TAS1R2: variants seen among roughly 807,000 people sequenced by gnomAD.
The protein encoded by TAS1R2 is taste 1 receptor member 2.
TAS1R2 carries 47 observed loss-of-function variants against 49.3 expected under a neutral mutation model. That is an observed-to-expected ratio of 0.95 (90% confidence interval 0.75 to 1.22). The LOEUF (loss-of-function observed/expected upper bound fraction) is 1.22. Among genes scored for constraint, TAS1R2 ranks in the 50% most tolerant of loss-of-function variants. The pLI is 0.00. For missense variants in TAS1R2, 1,155 were observed against 1,122.1 expected, an observed-to-expected ratio of 1.03 and a Z score of -0.42; for synonymous variants, 479 against 467.9, an observed-to-expected ratio of 1.02 and a Z score of -0.31.
intron 4 of TAS1R2, among the ~76,000 whole-genome samples, chr1:18,843,881 A>G (rs1028537117): frequency 1.4e-4 from 22 of 152,348 alleles, no homozygotes; most frequent in African/African-American, 5.3e-4. Flanking sequence ...TATAAGGGAA[A>G]TGGTATCCAA....
chr1:18,850,702 C>T (rs1390727595), intron 3 of TAS1R2, among the ~76,000 whole-genome samples: 1 of 152,254 alleles, frequency 6.6e-6, no homozygotes, highest in African/African-American at 2.4e-5. Flanking sequence ...AAAGCACTGG[C>T]CTTGTAATTG....
chr1:18,855,100 G>A, intron 2 of TAS1R2, 114 bp from the exon 3 acceptor site: 2 of 1,350,038 alleles, frequency 1.5e-6, no homozygotes, highest in South Asian at 1.4e-5. Context: ...GCCACCCCAG[G>A]GGTAGGTGGT....
intron 4 of TAS1R2, among the ~76,000 whole-genome samples, chr1:18,847,274 C>T (rs1460547596): frequency 6.6e-6 from 1 of 152,170 alleles, no homozygotes; most frequent in African/African-American, 2.4e-5. Context: ...ACAGATTCTA[C>T]CTCACAGCTC....
intron 1 of TAS1R2, among the ~76,000 whole-genome samples, chr1:18,858,052 C>T (rs1217815900): frequency 6.6e-6 from 1 of 151,876 alleles, no homozygotes; most frequent in African/African-American, 2.4e-5. Context: ...ACCATCATCA[C>T]CGTCACCACC....
chr1:18,840,728 C>A (rs544909664), intron 5 of TAS1R2, among the ~76,000 whole-genome samples: 6 of 152,220 alleles, frequency 3.9e-5, no homozygotes, highest in Non-Finnish European at 8.8e-5. Context: ...GATGAGGAAA[C>A]CAAGGCTCAG....
intron 4 of TAS1R2, among the ~76,000 whole-genome samples, chr1:18,846,696 T>G (rs566945467): frequency 6.6e-6 from 1 of 152,104 alleles, no homozygotes; most frequent in East Asian, 1.9e-4. Flanking sequence ...CTCATATGAG[T>G]GATGTTCTCA....
rs756183982 is a variant in TAS1R2 at position 18,859,455 on chromosome 1, T to C, written c.182+24A>G. 23 of 1,613,096 alleles carry C rather than the reference T, an allele frequency of 1.4e-5. No individual in the cohort carries two copies. The East Asian group carries it at 2.9e-4, about 20-fold the overall frequency. On this transcript the variant is annotated intron_variant, in intron 1 of 5. Transcript: ENST00000375371. Reference sequence around the variant, plus strand: ...CTCCCACCCCATCCCCACTGCCACTTCCAGCCCCACACTGGAGACTCACTC... The same window carrying C: ...CTCCCACCCCATCCCCACTGCCACTCCCAGCCCCACACTGGAGACTCACTC...
intron 4 of TAS1R2, among the ~76,000 whole-genome samples, chr1:18,848,267 C>T (rs989042456): frequency 2.0e-5 from 3 of 152,094 alleles, no homozygotes; most frequent in Non-Finnish European, 4.4e-5. Flanking sequence ...AGTTTCCTAA[C>T]CTATAAAATG....
chr1:18,856,726 G>A lies in TAS1R2; in HGVS notation c.483+605C>T, dbSNP rs1001371387. Among the ~76,000 whole-genome samples the A allele has an allele frequency of 2.7e-4, 41 of 152,208 alleles. 1 individual carries two copies. The highest frequency in any genetic ancestry group is 8.9e-4 in the African/African-American group (37 of 41,442). On this transcript the variant is annotated intron_variant, in intron 2 of 5. Coordinates refer to ENST00000375371, the Ensembl canonical transcript of TAS1R2. ...ATCACAATATTTGTGACTACCTACT[G>A]TGTGCCAAGTCTTTTGCTAGCTGAT...
intron 1 of TAS1R2, chr1:18,858,220 T>C (rs919731082): frequency 6.5e-6 from 1 of 152,876 alleles, no homozygotes; most frequent in African/African-American, 2.5e-5. Context: ...ATTATCAGCA[T>C]CACCATCATC....
At chr1:18,839,714 G>A in exon 6 of TAS1R2, 2 of 1,614,224 alleles carry the variant, frequency 1.2e-6, no homozygotes, top group Non-Finnish European at 8.5e-7. Context: ...CAGGCTGATG[G>A]CCAGGAGGTT....
At chr1:18,856,337 A>G (rs1344999976) in intron 2 of TAS1R2, among the ~76,000 whole-genome samples, 1 of 151,908 alleles carries the variant, frequency 6.6e-6, no homozygotes, top group East Asian at 1.9e-4. Context: ...TCTTCGCCCA[A>G]TTGTCAGTGA....
chr1:18,855,318 A>G (rs955614368), intron 2 of TAS1R2, among the ~76,000 whole-genome samples: 2 of 152,190 alleles, frequency 1.3e-5, no homozygotes, highest in African/African-American at 2.4e-5. Flanking sequence ...ATCCTGGGCT[A>G]GGTGAATGAC....
At chr1:18,849,239 G>T in intron 4 of TAS1R2, 102 bp downstream of exon 4, 1 of 1,216,884 alleles carries the variant, frequency 8.2e-7, no homozygotes, top group Non-Finnish European at 1.2e-6. Context: ...GATTGATAAA[G>T]CATCTCCAGG....
chr1:18,849,170 A>G (rs1933974887), intron 4 of TAS1R2, 171 bp downstream of exon 4: 1 of 724,398 alleles, frequency 1.4e-6, no homozygotes, highest in South Asian at 1.9e-5. Flanking sequence ...ATAGTTCCCA[A>G]TCAATGGGGG....
At chr1:18,841,533 G>C (rs1014846467) in intron 5 of TAS1R2, among the ~76,000 whole-genome samples, 196 bp downstream of exon 5, 2 of 152,034 alleles carry the variant, frequency 1.3e-5, no homozygotes, top group African/African-American at 4.8e-5. Context: ...GAAGCAGCCT[G>C]TATGGAGGAT....
intron 4 of TAS1R2, among the ~76,000 whole-genome samples, chr1:18,845,594 G>A (rs1243855812): frequency 2.0e-5 from 3 of 152,192 alleles, no homozygotes; most frequent in Non-Finnish European, 2.9e-5. Context: ...GGTCATTTTG[G>A]GTTCCTCATG....
chr1:18,841,964 GT>G, intron 4 of TAS1R2, 112 bp from the exon 5 acceptor site: 1 of 777,218 alleles, frequency 1.3e-6, no homozygotes. Context: ...AGCCCCCTAG[GT>G]TTTGGGGTGG....
chr1:18,848,798 C>G (rs559838869), intron 4 of TAS1R2, among the ~76,000 whole-genome samples: 8 of 152,180 alleles, frequency 5.3e-5, no homozygotes, highest in Non-Finnish European at 8.8e-5. Flanking sequence ...CTCCCATCAC[C>G]CCCAGATGGG....
Sources: gnomAD v4.1 joint callset for allele counts (sites outside exome capture counted in the v4.1 genomes callset) on GRCh38, gnomAD v4.1.1 for gene constraint, MANE v1.5 for transcripts, NCBI Gene and HGNC (gene_info 2026-07-23, HGNC 2026-07-21) for gene names.